The following AP2B1 variants were observed in gnomAD, a reference collection of about 807,000 sequenced individuals.
AP2B1 encodes AP-2 complex subunit beta.
In AP2B1, 23 loss-of-function variants were observed where a neutral mutation model predicts 102.0. The ratio of observed to expected loss-of-function variants is 0.23; its 90% CI spans 0.16 to 0.32. The LOEUF is 0.32. Among genes scored for constraint, AP2B1 ranks in the 10% least tolerant of loss-of-function variants. The pLI is 1.00. For missense variants in AP2B1, 541 were observed against 1,157.4 expected, an observed-to-expected ratio of 0.47 and a Z score of 7.73; for synonymous variants, 381 against 421.2, an observed-to-expected ratio of 0.90 and a Z score of 1.17.
intron 10 of AP2B1, among the ~76,000 whole-genome samples, chr17:35,638,845 T>C (rs561544754): frequency 6.6e-6 from 1 of 151,420 alleles, no homozygotes; most frequent in South Asian, 2.1e-4. Context: ...ATAAGTGGAT[T>C]AAGGGACAGA....
At chr17:35,720,574 T>TATATATATATATA (rs57480143) in intron 21 of AP2B1, among the ~76,000 whole-genome samples, 13 of 24,720 alleles carry the variant, frequency 5.3e-4, no homozygotes, top group East Asian at 1.6e-3. Flanking sequence ...TATATATATA[T>TATATATATATATA]TTTTTTTTTT....
chr17:35,644,406 C>T (rs952688100), intron 12 of AP2B1, among the ~76,000 whole-genome samples: 3 of 152,164 alleles, frequency 2.0e-5, no homozygotes, highest in Non-Finnish European at 2.9e-5. Context: ...AAGACTGAGT[C>T]TAGCTCTGTC....
intron 18 of AP2B1, among the ~76,000 whole-genome samples, chr17:35,700,895 TTC>T (rs199822231): frequency 7.1e-4 from 108 of 152,364 alleles, no homozygotes; most frequent in African/African-American, 2.5e-3. Context: ...GCCTTATAAT[TTC>T]TGTTTGCTTT....
Position 35,589,924 on chromosome 17 carries a change from CT to C in AP2B1, c.-24+2515del, listed in dbSNP as rs71366465. ...ATTTTGTTTACTTTTTCTGTAACTT[CT>C]TTTTTTTTTTTTTTTTTTGAGACGG... is the stretch of plus-strand genomic sequence containing the variant. On this transcript the variant is annotated intron_variant, in intron 1 of 21. Coordinates refer to ENST00000610402, the MANE Select transcript of AP2B1 (RefSeq NM_001030006.2). Among the ~76,000 whole-genome samples, 110 of 119,466 alleles carry C rather than the reference CT, an allele frequency of 9.2e-4. No individual in the cohort carries two copies. The South Asian group carries it at 0.011, about 12-fold the overall frequency. 78.4% of individuals were successfully genotyped at this position (119,466 alleles called of 152,430 possible). A position where few individuals can be genotyped will look rare whatever the true frequency, so the allele number is the denominator to read the frequency against.
intron 18 of AP2B1, among the ~76,000 whole-genome samples, chr17:35,707,302 G>A (rs946252092): frequency 4.6e-5 from 7 of 151,784 alleles, no homozygotes; most frequent in South Asian, 2.1e-4. Context: ...CCAGGCATGT[G>A]CCACCACACC....
At chr17:35,605,636 A>T (rs2073649862) in intron 3 of AP2B1, 69 bp from the exon 4 acceptor site, 1 of 1,084,606 alleles carries the variant, frequency 9.2e-7, no homozygotes, top group Admixed American at 2.0e-5. Flanking sequence ...AAGGCTATTC[A>T]TGTTCTGTCC....
chr17:35,691,615 AAT>A (rs1215650267), intron 18 of AP2B1, among the ~76,000 whole-genome samples: 4 of 152,210 alleles, frequency 2.6e-5, no homozygotes, highest in African/African-American at 9.6e-5. Flanking sequence ...TTGAATAGAT[AAT>A]GAGTCCTTGA....
intron 4 of AP2B1, 87 bp from the exon 5 acceptor site, chr17:35,608,055 G>C: frequency 1.3e-6 from 2 of 1,489,772 alleles, no homozygotes; most frequent in Non-Finnish European, 1.8e-6. Context: ...AAATTAATGA[G>C]GTAATTCTTT....
chr17:35,676,943 C>G (rs148265969), intron 17 of AP2B1, among the ~76,000 whole-genome samples: 65 of 152,086 alleles, frequency 4.3e-4, no homozygotes, highest in African/African-American at 1.4e-3. Flanking sequence ...CAGTCCATGG[C>G]TTGCCTTTTC....
intron 12 of AP2B1, among the ~76,000 whole-genome samples, chr17:35,647,361 C>G (rs977746829): frequency 6.6e-6 from 1 of 152,140 alleles, no homozygotes; most frequent in Admixed American, 6.6e-5. Flanking sequence ...TTTATAAACA[C>G]TTAGGAGCAA....
intron 17 of AP2B1, among the ~76,000 whole-genome samples, chr17:35,680,523 C>T (rs1362531277): frequency 6.6e-6 from 1 of 151,990 alleles, no homozygotes; most frequent in African/African-American, 2.4e-5. Flanking sequence ...GAACACACCA[C>T]CACACTGGCC....
chr17:35,665,849 A>G (rs1041486321), intron 14 of AP2B1, among the ~76,000 whole-genome samples: 2 of 152,218 alleles, frequency 1.3e-5, no homozygotes, highest in Non-Finnish European at 2.9e-5. Flanking sequence ...AAACAGATGT[A>G]CTTTGGACTG....
chr17:35,709,072 A>G, intron 18 of AP2B1, 152 bp from the exon 19 acceptor site: 1 of 649,456 alleles, frequency 1.5e-6, no homozygotes, highest in Non-Finnish European at 2.8e-6. Context: ...TGTGCTTTGC[A>G]GTATATGGGC....
intron 14 of AP2B1, 70 bp from the exon 15 acceptor site, chr17:35,670,787 T>C (rs2075570060): frequency 9.4e-6 from 14 of 1,488,802 alleles, no homozygotes; most frequent in Non-Finnish European, 1.3e-5. Flanking sequence ...TTACAGATTC[T>C]ATATGGGCAT....
At chr17:35,713,426 C>T (rs587642263) in intron 20 of AP2B1, among the ~76,000 whole-genome samples, 3 of 152,346 alleles carry the variant, frequency 2.0e-5, no homozygotes, top group African/African-American at 7.2e-5. Flanking sequence ...TCCTTTGAGT[C>T]CACCCCCAGG....
rs1167550201 is a variant in AP2B1, at chr17:35,680,686, GTTTT to G, written c.2325-1999_2325-1996del. On this transcript the variant is annotated intron_variant, in intron 17 of 21. Coordinates refer to ENST00000610402, the MANE Select transcript of AP2B1 (RefSeq NM_001030006.2). ...CCACCATGCCCAGTCTATGGTTTTGGTTTTTTTTTTTTTGTTTTTTTTTTTTTTT... is the reference window on the plus strand; with the variant it reads ...CCACCATGCCCAGTCTATGGTTTTGGTTTTTTTTTGTTTTTTTTTTTTTTT... 5.4e-3 allele frequency among the ~76,000 whole-genome samples: 319 copies of G among 59,574 alleles called. 1 individual carries two copies. The highest frequency in any genetic ancestry group is 0.014 in the East Asian group (36 of 2,512). The allele number at this position is 59,574 out of a possible 152,430, so 39.1% of individuals were successfully genotyped here. A position where few individuals can be genotyped will look rare whatever the true frequency, so the allele number is the denominator to read the frequency against.
chr17:35,647,267 TA>T (rs1215697102), intron 12 of AP2B1, among the ~76,000 whole-genome samples: 1 of 152,206 alleles, frequency 6.6e-6, no homozygotes, highest in Non-Finnish European at 1.5e-5. Flanking sequence ...TCTGCTCTTT[TA>T]AAAATATCAA....
chr17:35,717,138 T>C (rs2076565353), intron 20 of AP2B1, 57 bp from the exon 21 acceptor site: 1 of 1,573,178 alleles, frequency 6.4e-7, no homozygotes. Flanking sequence ...GAGAAGAGAG[T>C]GTACATTTGT....
At chr17:35,651,599 A>C (rs1654155923) in intron 13 of AP2B1, among the ~76,000 whole-genome samples, 1 of 152,062 alleles carries the variant, frequency 6.6e-6, no homozygotes, top group Admixed American at 6.5e-5. Context: ...TGTCTAATAT[A>C]TATTATTGTT....
Sources: gnomAD v4.1 joint callset for allele counts (sites outside exome capture counted in the v4.1 genomes callset) on GRCh38, gnomAD v4.1.1 for gene constraint, MANE v1.5 for transcripts, NCBI Gene and HGNC (gene_info 2026-07-23, HGNC 2026-07-21) for gene names.